LRRTM4: variants seen among roughly 807,000 people sequenced by gnomAD.
The protein encoded by LRRTM4 is leucine rich repeat transmembrane neuronal 4.
Under a neutral mutation model 47.6 loss-of-function variants are expected in LRRTM4, and 25 were observed. The ratio of observed to expected loss-of-function variants is 0.53; its 90% CI spans 0.38 to 0.73. LRRTM4 has a LOEUF of 0.73. LRRTM4 is among the 30% of genes least tolerant of loss of function. LRRTM4 has a pLI of 0.00. For synonymous variants in LRRTM4, 311 were observed against 269.5 expected (o/e 1.15, Z -1.51); for missense variants, 638 against 713.4 (o/e 0.89, Z 1.20).
At chr2:77,128,304 T>C (rs545126910) in intron 3 of LRRTM4, among the ~76,000 whole-genome samples, 78 of 152,258 alleles carry the variant, frequency 5.1e-4, no homozygotes, top group Non-Finnish European at 9.3e-4. Context: ...GCAGTTGGTA[T>C]GATTTGACTG....
chr2:76,841,374 A>G (rs1355450886), intron 3 of LRRTM4, among the ~76,000 whole-genome samples: 1 of 152,088 alleles, frequency 6.6e-6, no homozygotes, highest in African/African-American at 2.4e-5. Context: ...ATGTATACAT[A>G]TGTAACAAGC....
chr2:77,058,158 C>T (rs1440770818), intron 3 of LRRTM4, among the ~76,000 whole-genome samples: 1 of 152,120 alleles, frequency 6.6e-6, no homozygotes, highest in African/African-American at 2.4e-5. Context: ...CAAAAAGTTC[C>T]AAGGAAAGTC....
At chr2:77,213,629 T>C (rs1674356451) in intron 3 of LRRTM4, among the ~76,000 whole-genome samples, 1 of 152,222 alleles carries the variant, frequency 6.6e-6, no homozygotes, top group Non-Finnish European at 1.5e-5. Context: ...GAAAGACTTC[T>C]CTGCTTCTTC....
At chr2:77,101,617 T>C (rs967841785) in intron 3 of LRRTM4, among the ~76,000 whole-genome samples, 2 of 152,158 alleles carry the variant, frequency 1.3e-5, no homozygotes, top group African/African-American at 2.4e-5. Context: ...TGCCTGGCAG[T>C]CCAAAGCCCA....
intron 3 of LRRTM4, among the ~76,000 whole-genome samples, chr2:77,099,460 T>G (rs1156641875): frequency 6.6e-6 from 1 of 152,044 alleles, no homozygotes; most frequent in African/African-American, 2.4e-5. Flanking sequence ...TGGGTGTGTG[T>G]GTGTTTATAT....
intron 3 of LRRTM4, among the ~76,000 whole-genome samples, chr2:77,416,703 G>C (rs1405161249): frequency 6.6e-6 from 1 of 151,452 alleles, no homozygotes; most frequent in African/African-American, 2.4e-5. Flanking sequence ...GGCATCCCAT[G>C]TTTAATAAAA....
chr2:77,121,717 C>G (rs748160690), intron 3 of LRRTM4, among the ~76,000 whole-genome samples: 24 of 151,764 alleles, frequency 1.6e-4, no homozygotes, highest in Admixed American at 1.2e-3. Context: ...TGACTGTAGT[C>G]CAATTTCCCT....
chr2:76,979,708 AG>A (rs1676540158), intron 3 of LRRTM4, among the ~76,000 whole-genome samples: 1 of 146,366 alleles, frequency 6.8e-6, no homozygotes, highest in Admixed American at 6.7e-5. Flanking sequence ...ATAGATAGAT[AG>A]ATAGATAGAT....
intron 3 of LRRTM4, among the ~76,000 whole-genome samples, chr2:77,477,893 AAAAGAAAGAAAAAGAAAGAAAG>A (rs1233695986): frequency 0.017 from 1,997 of 114,276 alleles, 29 homozygotes; most frequent in Middle Eastern, 0.026. Context: ...GAAAGAAAGA[AAAAGAAAGAAAAAGAAAGAAAG>A]AAAGAAAGAA....
chr2:77,058,996 T>C (rs1438094716), intron 3 of LRRTM4, among the ~76,000 whole-genome samples: 1 of 152,146 alleles, frequency 6.6e-6, no homozygotes, highest in Non-Finnish European at 1.5e-5. Context: ...CTAAGTGACT[T>C]TTACAAATTT....
chr2:77,064,500 T>C (rs1015848515), intron 3 of LRRTM4, among the ~76,000 whole-genome samples: 2 of 152,340 alleles, frequency 1.3e-5, no homozygotes, highest in African/African-American at 4.8e-5. Flanking sequence ...AGATGACACA[T>C]GTACAAATGC....
At chr2:77,490,483 T>C (rs2104043850) in intron 3 of LRRTM4, among the ~76,000 whole-genome samples, 1 of 152,180 alleles carries the variant, frequency 6.6e-6, no homozygotes, top group East Asian at 1.9e-4. Flanking sequence ...CTTAAGTTCC[T>C]CCTACAGTGA....
At chr2:77,515,691 C>G (rs1220976674) in intron 3 of LRRTM4, among the ~76,000 whole-genome samples, 8 of 151,594 alleles carry the variant, frequency 5.3e-5, no homozygotes, top group Non-Finnish European at 1.0e-4. Flanking sequence ...CTTATGAAAA[C>G]AATGCCAAGC....
intron 3 of LRRTM4, among the ~76,000 whole-genome samples, chr2:77,088,171 C>T (rs1680789313): frequency 6.6e-6 from 1 of 152,184 alleles, no homozygotes; most frequent in Non-Finnish European, 1.5e-5. Context: ...TGCTGTTTGT[C>T]AAAGTTTACT....
At chr2:77,012,949 C>T (rs1677927765) in intron 3 of LRRTM4, among the ~76,000 whole-genome samples, 1 of 152,144 alleles carries the variant, frequency 6.6e-6, no homozygotes. Context: ...TATGGCACAT[C>T]CTACCAAGGA....
At chr2:77,127,853 T>G (rs1165749815) in intron 3 of LRRTM4, among the ~76,000 whole-genome samples, 1 of 152,132 alleles carries the variant, frequency 6.6e-6, no homozygotes, top group Non-Finnish European at 1.5e-5. Context: ...AAACAAATGT[T>G]TTTTAAGCCG....
chr2:76,993,322 CA>C (rs1173413154), intron 3 of LRRTM4, among the ~76,000 whole-genome samples: 1 of 151,536 alleles, frequency 6.6e-6, no homozygotes, highest in Non-Finnish European at 1.5e-5. Context: ...TATCAGTAAA[CA>C]ATCAACAGAA....
intron 3 of LRRTM4, among the ~76,000 whole-genome samples, chr2:76,951,440 GA>G (rs1175470318): frequency 1.3e-5 from 2 of 151,822 alleles, no homozygotes; most frequent in Admixed American, 6.6e-5. Flanking sequence ...TCTTCATAAT[GA>G]CAAAATGTCT....
chr2:77,057,766 G>C (rs764137570), intron 3 of LRRTM4, among the ~76,000 whole-genome samples: 1 of 152,070 alleles, frequency 6.6e-6, no homozygotes, highest in Non-Finnish European at 1.5e-5. Flanking sequence ...GAAGAACTGA[G>C]TTATTAAAAT....
Sources: allele counts gnomAD v4.1 joint callset (sites outside exome capture counted in the v4.1 genomes callset), GRCh38; gene constraint gnomAD v4.1.1; transcripts MANE v1.5; gene names NCBI Gene and HGNC (gene_info 2026-07-23, HGNC 2026-07-21).